The following KCNA3 variants were observed in gnomAD, a reference collection of about 807,000 sequenced individuals.
KCNA3 encodes potassium voltage-gated channel subfamily A member 3.
In KCNA3, 18 loss-of-function variants were observed where a neutral mutation model predicts 34.3. The ratio of observed to expected loss-of-function variants is 0.52; its 90% CI spans 0.36 to 0.78. The LOEUF is 0.78. KCNA3 is among the 30% of genes least tolerant of loss of function. KCNA3 has a pLI of 0.00. For missense variants in KCNA3, 587 were observed against 802.5 expected (o/e 0.73, Z 3.24); for synonymous variants, 324 against 351.7 (o/e 0.92, Z 0.88).
Position 110,673,825 on chromosome 1 carries a change from T to C in KCNA3, c.985A>G (p.Asn329Asp). ...ATGATGGCCACAATGTCGATCAGGTTCATGATGTTTCGCGAGAAGGTGGCT... is the reference window on the plus strand; with the variant it reads ...ATGATGGCCACAATGTCGATCAGGTCCATGATGTTTCGCGAGAAGGTGGCT... ...SKATFSRNIM[N>D]LIDIVAIIPY... The change falls in exon 1 of 1, where the codon AAC (asparagine) becomes GAC (aspartate). Residue 329 changes from asparagine (N) to aspartate (D), a missense_variant. Physicochemically the swap from Asn to Asp is conservative, Grantham distance 23. Around this residue, in one of 7 missense-constraint regions of KCNA3, gnomAD observed 84 missense variants for 223.1 expected, o/e 0.38. Transcript: ENST00000369769. This position sits in a 1 kb window ranked among gnomAD's most constrained non-coding sequence, Gnocchi z 8.8. The C allele has an allele frequency of 1.2e-6, 2 of 1,614,084 alleles. No homozygotes were observed. The highest frequency in any genetic ancestry group is 1.7e-6 in the Non-Finnish European group (2 of 1,180,024).
At chr1:110,662,786 C>T in the KCNA3 span, among the ~76,000 whole-genome samples, 7 of 152,134 alleles carry the variant, frequency 4.6e-5, no homozygotes, top group African/African-American at 9.6e-5. Flanking sequence ...TACTTTGAGC[C>T]GTATTTAGGT....
At chr1:110,664,802 A>T in the KCNA3 span, among the ~76,000 whole-genome samples, 2 of 152,242 alleles carry the variant, frequency 1.3e-5, no homozygotes, top group Non-Finnish European at 2.9e-5. Context: ...GAGAAAGGAT[A>T]TAGAGAGTGT....
downstream of KCNA3, among the ~76,000 whole-genome samples, chr1:110,670,384 G>T (rs548622668): frequency 5.2e-4 from 79 of 152,144 alleles, 1 homozygote; most frequent in South Asian, 3.7e-3. Flanking sequence ...AAGAACAAAG[G>T]CCCCCTTTAA....
the KCNA3 span, among the ~76,000 whole-genome samples, chr1:110,664,000 T>C: frequency 6.6e-6 from 1 of 152,216 alleles, no homozygotes; most frequent in Non-Finnish European, 1.5e-5. Context: ...TCAGGCCATA[T>C]CTACAGTGAT....
the KCNA3 span, among the ~76,000 whole-genome samples, chr1:110,664,940 A>C: frequency 6.6e-6 from 1 of 152,156 alleles, no homozygotes; most frequent in Non-Finnish European, 1.5e-5. Context: ...GAGAACAATA[A>C]ATACAAAGAC....
chr1:110,674,883 C>T lies in KCNA3; in HGVS notation c.-74G>A, dbSNP rs1457899231. 5 of 1,270,454 alleles carry T rather than the reference C, an allele frequency of 3.9e-6. No homozygotes were observed. Among genetic ancestry groups the T allele is most frequent in the South Asian group, 2.9e-5 (1 of 34,230 alleles). 78.7% of individuals were successfully genotyped at this position (1,270,454 alleles called of 1,614,324 possible). A position where few individuals can be genotyped will look rare whatever the true frequency, so the allele number is the denominator to read the frequency against. ...GCTCCCCGCCCTTTCGCCGCCTCCG[C>T]CCCCGAGCCGAGCCCACCGCCTGTT... is the stretch of plus-strand genomic sequence containing the variant. On this transcript the variant is annotated 5_prime_UTR_variant, in exon 1 of 1. Transcript: ENST00000369769. This position sits in a 1 kb window ranked among gnomAD's most constrained non-coding sequence, Gnocchi z 6.4.
In KCNA3 at chr1:110,672,521, G is replaced by C. The variant is rs1243799785; in HGVS notation, c.*561C>G. The C allele has an allele frequency of 6.6e-6, 1 of 152,608 alleles. No homozygotes were observed. The highest frequency in any genetic ancestry group is 1.5e-5 in the Non-Finnish European group (1 of 68,204). 9.5% of individuals were successfully genotyped at this position (152,608 alleles called of 1,614,324 possible). On this transcript the variant is annotated 3_prime_UTR_variant, in exon 1 of 1. Coordinates refer to ENST00000369769, the MANE Select transcript of KCNA3 (RefSeq NM_002232.5). The stretch of plus-strand genomic sequence containing the variant: ...GAGACACTTAAAATTCCGGGAAAGG[G>C]GATTCAAATAGGAATTTAAGTCAAA...
In KCNA3 at chr1:110,673,203, C is replaced by T. The variant is rs199848826; in HGVS notation, c.1607G>A (p.Gly536Asp). Residue 536 changes from glycine (G) to aspartate (D), a missense_variant, in exon 1 of 1, where the codon GGT becomes GAT. Coordinates refer to ENST00000369769, the MANE Select transcript of KCNA3 (RefSeq NM_002232.5). This position sits in a 1 kb window ranked among gnomAD's most constrained non-coding sequence, Gnocchi z 8.8. ...CTGGGGGAAAGCGCTATGGTTCATA[C>T]CCCCCTCTTCGATCACCATATACTC... ...KSEYMVIEEGGMNHSAFPQTP... is the reference protein window; with the variant it reads ...KSEYMVIEEGDMNHSAFPQTP... 1 of 1,614,098 alleles carries T rather than the reference C, an allele frequency of 6.2e-7. No homozygotes were observed. Among genetic ancestry groups the T allele is most frequent in the South Asian group, 1.1e-5 (1 of 91,070 alleles).
the KCNA3 span, among the ~76,000 whole-genome samples, chr1:110,664,335 C>A: frequency 2.0e-5 from 3 of 152,178 alleles, no homozygotes; most frequent in Non-Finnish European, 4.4e-5. Context: ...TGACTAGGTA[C>A]CCTCAATGAT....
the KCNA3 span, among the ~76,000 whole-genome samples, chr1:110,663,159 C>G: frequency 6.6e-6 from 1 of 151,888 alleles, no homozygotes; most frequent in Non-Finnish European, 1.5e-5. Context: ...AACAAAGTTA[C>G]AATAGAAAAT....
the KCNA3 span, among the ~76,000 whole-genome samples, chr1:110,658,157 G>A: frequency 1.3e-5 from 2 of 152,108 alleles, no homozygotes; most frequent in East Asian, 3.9e-4. Flanking sequence ...TACCTAGATT[G>A]TATCTCTTAT....
the KCNA3 span, among the ~76,000 whole-genome samples, chr1:110,666,885 C>A: frequency 6.6e-6 from 1 of 152,118 alleles, no homozygotes; most frequent in Non-Finnish European, 1.5e-5. Context: ...AGGCAATAAA[C>A]CTGCATTTTA....
the KCNA3 span, among the ~76,000 whole-genome samples, chr1:110,663,958 AT>A: frequency 6.6e-6 from 1 of 152,210 alleles, no homozygotes; most frequent in East Asian, 1.9e-4. Flanking sequence ...TAATTTTAAA[AT>A]GTAATGTTAA....
chr1:110,657,097 A>C, the KCNA3 span: 2 of 132,988 alleles, frequency 1.5e-5, no homozygotes. Context: ...CCCAAGCTGG[A>C]GTGCAGTGGC....
In KCNA3 at chr1:110,674,817, G is replaced by C; in HGVS notation, c.-8C>G. On this transcript the variant is annotated 5_prime_UTR_variant, in exon 1 of 1. Transcript: ENST00000369769. This position sits in a 1 kb window ranked among gnomAD's most constrained non-coding sequence, Gnocchi z 6.4. ...GCTGAGGCGCTCGTCCATGCGGCGG[G>C]GAAGAGGCGGCAGCGGTGAGGCCAG... 1 of 1,305,738 alleles carries C rather than the reference G, an allele frequency of 7.7e-7. No individual in the cohort carries two copies. The highest frequency in any genetic ancestry group is 9.7e-7 in the Non-Finnish European group (1 of 1,032,014). The allele number at this position is 1,305,738 out of a possible 1,614,324, so 80.9% of individuals were successfully genotyped here.
At position 110,674,356 on chromosome 1, in the gene KCNA3, T is replaced by G. The variant is rs753811369; in HGVS notation, c.454A>C (p.Asn152His). 3.1e-6 allele frequency: 5 copies of G among 1,614,118 alleles called. No homozygotes were observed. The highest frequency in any genetic ancestry group is 1.6e-4 in the Middle Eastern group (1 of 6,062). The change falls in exon 1 of 1, where the codon AAC becomes CAC. Residue 152 changes from asparagine (N) to histidine (H), a missense_variant. Asn to His is a moderately conservative substitution (Grantham distance 68, BLOSUM62 1). Transcript: ENST00000369769. This position sits in a 1 kb window ranked among gnomAD's most constrained non-coding sequence, Gnocchi z 6.4. ...PLRNEYFFDRNRPSFDAILYY... is the reference protein window; with the variant it reads ...PLRNEYFFDRHRPSFDAILYY... Reference sequence around the variant, plus strand: ...AGGATGGCGTCGAAGCTGGGCCGGTTGCGGTCGAAGAAGTACTCGTTGCGG... The same window carrying G: ...AGGATGGCGTCGAAGCTGGGCCGGTGGCGGTCGAAGAAGTACTCGTTGCGG...
Position 110,674,486 on chromosome 1 carries a change from G to A in KCNA3, c.324C>T (p.Ile108=). The change falls in exon 1 of 1, where the codon ATC becomes ATT. Residue 108 remains isoleucine, a synonymous_variant. Coordinates refer to ENST00000369769, the MANE Select transcript of KCNA3 (RefSeq NM_002232.5). This position sits in a 1 kb window ranked among gnomAD's most constrained non-coding sequence, Gnocchi z 6.4. ...EQDCCGERVV[I]NISGLRFETQ... ...TCTCGAAGCGCAGCCCGGAGATGTT[G>A]ATGACCACGCGCTCCCCGCAGCAGT... The A allele has an allele frequency of 6.2e-7, 1 of 1,613,814 alleles. No homozygotes were observed. The highest frequency in any genetic ancestry group is 8.5e-7 in the Non-Finnish European group (1 of 1,179,940).
In KCNA3 at chr1:110,674,512, C is replaced by G. The variant is rs1308581038; in HGVS notation, c.298G>C (p.Asp100His). The change falls in exon 1 of 1, where the codon GAC (aspartate) becomes CAC (histidine). Residue 100 changes from aspartate to histidine, a missense_variant. By Grantham distance (81) the Asp-to-His change is moderately conservative. Coordinates refer to ENST00000369769, the MANE Select transcript of KCNA3 (RefSeq NM_002232.5). The surrounding 1 kb of genome is among the most constrained non-coding windows in gnomAD (Gnocchi z 6.4). ...ATGACCACGCGCTCCCCGCAGCAGT[C>G]CTGCTCGCCCGCGGCCGGCAGTGAG... ...PPSLPAAGEQ[D>H]CCGERVVINI... The G allele has an allele frequency of 3.1e-6, 5 of 1,611,938 alleles. No individual in the cohort carries two copies. Among genetic ancestry groups the G allele is most frequent in the African/African-American group, 2.7e-5 (2 of 74,792 alleles).
At chr1:110,663,651 G>C in the KCNA3 span, among the ~76,000 whole-genome samples, 4 of 152,196 alleles carry the variant, frequency 2.6e-5, no homozygotes, top group Non-Finnish European at 5.9e-5. Context: ...ACTATCTGCA[G>C]TGGTCATATC....
Sources: allele counts gnomAD v4.1 joint callset (sites outside exome capture counted in the v4.1 genomes callset), GRCh38; gene constraint gnomAD v4.1.1; regional missense constraint gnomAD v4.1.1; non-coding constraint Gnocchi (gnomAD v3.1); transcripts MANE v1.5; gene names NCBI Gene and HGNC (gene_info 2026-07-23, HGNC 2026-07-21).